Variants in EIF4B observed in about 807,000 individuals in gnomAD.
EIF4B encodes eukaryotic translation initiation factor 4B.
Under a neutral mutation model 79.3 loss-of-function variants are expected in EIF4B, and 8 were observed. The observed-to-expected ratio is 0.10, with a 90% confidence interval of 0.06 to 0.18. The LOEUF (loss-of-function observed/expected upper bound fraction) is 0.18. Ranked by LOEUF, EIF4B falls within the 10% of genes least tolerant of loss-of-function variation. The probability of loss-of-function intolerance (pLI) is 1.00; values close to 1 mark genes in which losing one functional copy is unlikely to be tolerated. For missense variants in EIF4B, 515 were observed against 792.4 expected (o/e 0.65, Z 4.20); for synonymous variants, 238 against 274.7 (o/e 0.87, Z 1.32).
In EIF4B at chr12:53,012,662, G is replaced by T. The variant is rs577298005; in HGVS notation, c.14-3811G>T. 2.0e-5 allele frequency among the ~76,000 whole-genome samples: 3 copies of T among 148,910 alleles called. No individual in the cohort carries two copies. In the South Asian group the frequency reaches 6.4e-4, roughly 32 times the overall value. On this transcript the variant is annotated intron_variant, in intron 1 of 14. Coordinates refer to ENST00000262056, the MANE Select transcript of EIF4B (RefSeq NM_001417.7). ...GCTTTGTAGCCCAGGCTGGAGTGCA[G>T]TGGCACGATCTCAGCTCACTGCAAG... is the stretch of plus-strand genomic sequence containing the variant.
At chr12:53,026,400 A>G (rs1565588994) in intron 6 of EIF4B, among the ~76,000 whole-genome samples, 1 of 152,228 alleles carries the variant, frequency 6.6e-6, no homozygotes, top group Non-Finnish European at 1.5e-5. Flanking sequence ...TGATACTGAA[A>G]TGCACATGTG....
intron 2 of EIF4B, among the ~76,000 whole-genome samples, chr12:53,018,359 A>G (rs1943181651): frequency 6.6e-6 from 1 of 152,158 alleles, no homozygotes; most frequent in Admixed American, 6.5e-5. Context: ...TAGGAATACA[A>G]GAGTTGTCAG....
rs1943649898 is a variant in EIF4B, at chr12:53,042,072, A to T, written c.*1849A>T. ...TGTCCCGCTCCTGAATACATGTAAA[A>T]TTTGTACAAAAATATCTTCTATGAA... On this transcript the variant is annotated 3_prime_UTR_variant, in exon 15 of 15. Coordinates refer to ENST00000262056, the MANE Select transcript of EIF4B (RefSeq NM_001417.7). 1 of 152,622 alleles carries T rather than the reference A, an allele frequency of 6.6e-6. No homozygotes were observed. Among genetic ancestry groups the T allele is most frequent in the African/African-American group, 2.4e-5 (1 of 41,432 alleles). 9.5% of individuals were successfully genotyped at this position (152,622 alleles called of 1,614,324 possible).
intron 6 of EIF4B, among the ~76,000 whole-genome samples, chr12:53,026,318 A>G (rs1943333191): frequency 6.6e-6 from 1 of 152,166 alleles, no homozygotes; most frequent in African/African-American, 2.4e-5. Context: ...TACAAACAAC[A>G]TAACGCTACC....
intron 1 of EIF4B, among the ~76,000 whole-genome samples, chr12:53,012,794 G>C (rs958452615): frequency 4.0e-5 from 6 of 151,682 alleles, no homozygotes; most frequent in Admixed American, 2.6e-4. Flanking sequence ...TTTTAGTAGA[G>C]ACGGGGTTTC....
In EIF4B at chr12:53,020,716, CCT is replaced by C. The variant is rs1244226594; in HGVS notation, c.477+693_477+694del. Among the ~76,000 whole-genome samples the C allele has an allele frequency of 2.0e-5, 3 of 152,162 alleles. No homozygotes were observed. In the East Asian group the frequency reaches 5.8e-4, roughly 29 times the overall value. On this transcript the variant is annotated intron_variant, in intron 4 of 14. Coordinates refer to ENST00000262056, the MANE Select transcript of EIF4B (RefSeq NM_001417.7). ...CCATATGACATGATTGAAATCAACA[CCT>C]CTTAGAAATAGTTTTGCTGCCTCAT... is the stretch of plus-strand genomic sequence containing the variant.
At chr12:53,027,136 A>AGTTTTTTTTTTTTCTTT (rs777111413) in intron 6 of EIF4B, among the ~76,000 whole-genome samples, 1 of 29,444 alleles carries the variant, frequency 3.4e-5, no homozygotes, top group Non-Finnish European at 1.2e-4. Flanking sequence ...AAAAAAAAAA[A>AGTTTTTTTTTTTTCTTT]ATTTTTTTTT....
chr12:53,023,875 A>G lies in EIF4B; in HGVS notation c.667+1248A>G, dbSNP rs149286561. Among the ~76,000 whole-genome samples, 231 of 152,064 alleles carry G rather than the reference A, an allele frequency of 1.5e-3. 1 individual carries two copies. The highest frequency in any genetic ancestry group is 3.4e-3 in the Middle Eastern group (1 of 294). The stretch of plus-strand genomic sequence containing the variant: ...TGGGATTACAGGCATGAGCCACTGC[A>G]CCTGGCCTAAAATGTAACTTTCTAA... On this transcript the variant is annotated intron_variant, in intron 6 of 14. Coordinates refer to ENST00000262056, the MANE Select transcript of EIF4B (RefSeq NM_001417.7).
intron 6 of EIF4B, among the ~76,000 whole-genome samples, chr12:53,023,256 G>A (rs1009059896): frequency 2.6e-5 from 4 of 152,068 alleles, no homozygotes; most frequent in Middle Eastern, 3.2e-3. Flanking sequence ...TTTTTGAGAC[G>A]GAGTCTCGCT....
In EIF4B at chr12:53,037,529, C is replaced by T. The variant is rs769907238; in HGVS notation, c.1427C>T (p.Ala476Val). 6 of 1,613,786 alleles carry T rather than the reference C, an allele frequency of 3.7e-6. No homozygotes were observed. The Admixed American group carries it at 1.0e-4, about 27-fold the overall frequency. Residue 476 changes from alanine to valine, a missense_variant, in exon 11 of 15, where the codon GCC becomes GTC. Ala to Val is a moderately conservative substitution (Grantham distance 64). Coordinates refer to ENST00000262056, the MANE Select transcript of EIF4B (RefSeq NM_001417.7). ...KPDQPLKVMPAPPPKENAWVK... is the reference protein window; with the variant it reads ...KPDQPLKVMPVPPPKENAWVK... ...GATCAGCCCCTAAAGGTAATGCCAG[C>T]CCCTCCACCAAAGGAGAATGCTTGG...
chr12:53,028,825 GT>G (rs1943384962), intron 8 of EIF4B, among the ~76,000 whole-genome samples: 1 of 152,008 alleles, frequency 6.6e-6, no homozygotes, highest in South Asian at 2.1e-4. Flanking sequence ...GTACTATGGG[GT>G]TAAAAACGAA....
intron 8 of EIF4B, among the ~76,000 whole-genome samples, chr12:53,030,011 C>T (rs1943407244): frequency 6.6e-6 from 1 of 151,662 alleles, no homozygotes; most frequent in East Asian, 1.9e-4. Context: ...CACTTGAGTC[C>T]AGGAGTTCAA....
chr12:53,012,540 G>A (rs1188950211), intron 1 of EIF4B, among the ~76,000 whole-genome samples: 1 of 148,718 alleles, frequency 6.7e-6, no homozygotes, highest in Non-Finnish European at 1.5e-5. Context: ...GGCAACAAGA[G>A]CAAAATTTCT....
chr12:53,021,374 C>A (rs919436780), intron 4 of EIF4B, among the ~76,000 whole-genome samples: 1 of 152,214 alleles, frequency 6.6e-6, no homozygotes, highest in African/African-American at 2.4e-5. Flanking sequence ...CTTAAGTGAT[C>A]CTCCAGCCTC....
chr12:53,007,121 T>C (rs1942978740), intron 1 of EIF4B, among the ~76,000 whole-genome samples: 1 of 152,176 alleles, frequency 6.6e-6, no homozygotes, highest in Admixed American at 6.6e-5. Flanking sequence ...CGCACTTATG[T>C]CCTTTTAGGT....
chr12:53,019,431 ATATATATTTTTTTTTTTTC>A (rs1943202305), intron 3 of EIF4B, among the ~76,000 whole-genome samples: 1 of 35,180 alleles, frequency 2.8e-5, no homozygotes, highest in Non-Finnish European at 9.1e-5. Flanking sequence ...AATTATATAT[ATATATATTTTTTTTTTTTC>A]TTTTTTTTTT....
chr12:53,006,605 A>G, intron 1 of EIF4B, 109 bp downstream of exon 1: 1 of 1,583,154 alleles, frequency 6.3e-7, no homozygotes, highest in Non-Finnish European at 8.6e-7. Context: ...TTCCTTTCTG[A>G]ATTGAGGGCT....
At chr12:53,026,300 A>G (rs1311306124) in intron 6 of EIF4B, among the ~76,000 whole-genome samples, 1 of 152,210 alleles carries the variant, frequency 6.6e-6, no homozygotes, top group Admixed American at 6.5e-5. Flanking sequence ...AATAGCAGCT[A>G]TCCCTTTTAC....
intron 8 of EIF4B, among the ~76,000 whole-genome samples, chr12:53,029,205 T>G (rs1943391881): frequency 6.6e-6 from 1 of 152,096 alleles, no homozygotes; most frequent in African/African-American, 2.4e-5. Flanking sequence ...TTGGTGCACC[T>G]ATTCTAAAAT....
Sources: allele counts gnomAD v4.1 joint callset (sites outside exome capture counted in the v4.1 genomes callset), GRCh38; gene constraint gnomAD v4.1.1; transcripts MANE v1.5; gene names NCBI Gene and HGNC (gene_info 2026-07-23, HGNC 2026-07-21).